The following GNG7 variants were observed in gnomAD, a reference collection of about 807,000 sequenced individuals.
The protein encoded by GNG7 is G protein subunit gamma 7, also known as guanine nucleotide-binding protein G(I)/G(S)/G(O) subunit gamma-7.
GNG7 carries 1 observed loss-of-function variant against 4.0 expected under a neutral mutation model. That is an observed-to-expected ratio of 0.25 (90% CI 0.09 to 1.18). GNG7 has a LOEUF of 1.18. Among genes scored for constraint, GNG7 ranks in the 50% most tolerant of loss-of-function variants. The probability of loss-of-function intolerance (pLI) is 0.50; values close to 1 mark genes in which losing one functional copy is unlikely to be tolerated. For synonymous variants in GNG7, 34 were observed against 36.9 expected, an observed-to-expected ratio of 0.92 and a Z score of 0.29; for missense variants, 86 against 91.9, an observed-to-expected ratio of 0.94 and a Z score of 0.26.
chr19:2,561,258 G>A (rs1312742065), intron 2 of GNG7, among the ~76,000 whole-genome samples: 2 of 152,138 alleles, frequency 1.3e-5, no homozygotes, highest in Non-Finnish European at 2.9e-5. Flanking sequence ...GGCCATGTCT[G>A]GGGACATCTG....
rs1339760440 is a variant in GNG7 at position 2,604,250 on chromosome 19, G to A, written c.-78+41974C>T. Among the ~76,000 whole-genome samples the A allele has an allele frequency of 4.6e-5, 7 of 152,060 alleles. 1 individual carries two copies. Among genetic ancestry groups the A allele is most frequent in the African/African-American group, 1.2e-4 (5 of 41,512 alleles). ...TTTGGGAGGCCGAGGCAGGAGGATC[G>A]CTTGAGGCCAGGAGTTTGAGACCAG... On this transcript the variant is annotated intron_variant, in intron 2 of 4. Coordinates refer to ENST00000382159, the MANE Select transcript of GNG7 (RefSeq NM_052847.3).
chr19:2,613,978 G>A (rs1981648091), intron 2 of GNG7, among the ~76,000 whole-genome samples: 1 of 152,236 alleles, frequency 6.6e-6, no homozygotes, highest in African/African-American at 2.4e-5. Flanking sequence ...CGAAGGCCAC[G>A]GCCACAGCGA....
chr19:2,525,322 A>T (rs1978356900), intron 3 of GNG7, among the ~76,000 whole-genome samples: 1 of 152,170 alleles, frequency 6.6e-6, no homozygotes, highest in Non-Finnish European at 1.5e-5. Context: ...AGGCTCCTGC[A>T]GGCAGGCAAG....
At chr19:2,553,825 CATATT>C (rs1360326062) in intron 3 of GNG7, among the ~76,000 whole-genome samples, 5 of 44,178 alleles carry the variant, frequency 1.1e-4, no homozygotes, top group Non-Finnish European at 2.9e-4. Flanking sequence ...CATACATGTA[CATATT>C]ATATGTAATA....
rs370273375 is a variant in GNG7 at position 2,525,055 on chromosome 19, C to G, written c.-37-4330G>C. ...GCACTGACTCAGGAGCAGCCATGCC[C>G]CCAGCAGAGGACTAAGCCAACAGCA... On this transcript the variant is annotated intron_variant, in intron 3 of 4. Transcript: ENST00000382159. Among the ~76,000 whole-genome samples, 258 of 152,280 alleles carry G rather than the reference C, an allele frequency of 1.7e-3. 1 individual carries two copies. The highest frequency in any genetic ancestry group is 6.0e-3 in the African/African-American group (249 of 41,564).
intron 2 of GNG7, among the ~76,000 whole-genome samples, chr19:2,581,476 G>T (rs1980504881): frequency 6.6e-6 from 1 of 152,150 alleles, no homozygotes; most frequent in Admixed American, 6.5e-5. Flanking sequence ...AGGCTGTGGG[G>T]TGGGATGTGG....
intron 1 of GNG7, among the ~76,000 whole-genome samples, chr19:2,669,055 C>A (rs1056576388): frequency 6.6e-6 from 1 of 152,148 alleles, no homozygotes; most frequent in African/African-American, 2.4e-5. Context: ...GGGAAACACA[C>A]TGAAACGAGG....
intron 2 of GNG7, among the ~76,000 whole-genome samples, chr19:2,564,610 G>A (rs577107297): frequency 3.3e-5 from 5 of 152,086 alleles, no homozygotes; most frequent in Non-Finnish European, 7.4e-5. Context: ...GAGAGATTTA[G>A]AGATGCAGAG....
intron 1 of GNG7, among the ~76,000 whole-genome samples, chr19:2,693,164 T>A (rs1488151899): frequency 1.3e-5 from 2 of 151,490 alleles, no homozygotes; most frequent in Admixed American, 1.3e-4. Context: ...GTGCCTGTAG[T>A]CCCAGCTACT....
intron 1 of GNG7, among the ~76,000 whole-genome samples, chr19:2,656,055 A>AG (rs374993871): frequency 1.4e-4 from 20 of 147,554 alleles, no homozygotes; most frequent in East Asian, 3.9e-4. Flanking sequence ...AAAGAAAGAA[A>AG]AAAAAAAGAA....
chr19:2,545,678 G>T (rs1457181865), intron 3 of GNG7, among the ~76,000 whole-genome samples: 1 of 147,820 alleles, frequency 6.8e-6, no homozygotes, highest in Non-Finnish European at 1.5e-5. Context: ...AAAAGGCCAG[G>T]TGCAGTGGCT....
At chr19:2,629,846 C>T (rs1415844208) in intron 2 of GNG7, among the ~76,000 whole-genome samples, 5 of 152,086 alleles carry the variant, frequency 3.3e-5, no homozygotes, top group African/African-American at 2.4e-5. Flanking sequence ...TGCATGTGTG[C>T]GAAAGGGCAC....
rs1981492419 is a variant in GNG7, at chr19:2,609,372, T to G, written c.-78+36852A>C. ...GTTATTTCATCTTGGTCGCTGAGGT[T>G]TTTTAGCGCCCCCTTCAATTTTGTG... On this transcript the variant is annotated intron_variant, in intron 2 of 4. Transcript: ENST00000382159. This position sits in a 1 kb window ranked among gnomAD's most constrained non-coding sequence, Gnocchi z 4.4. 6.6e-6 allele frequency among the ~76,000 whole-genome samples: 1 copy of G among 152,080 alleles called. No homozygotes were observed. The highest frequency in any genetic ancestry group is 6.6e-5 in the Admixed American group (1 of 15,250).
chr19:2,686,555 G>A (rs1165125024), intron 1 of GNG7, among the ~76,000 whole-genome samples: 6 of 152,062 alleles, frequency 3.9e-5, no homozygotes, highest in Admixed American at 3.3e-4. Flanking sequence ...CTGGGATCCC[G>A]GCCAATCCCC....
intron 2 of GNG7, among the ~76,000 whole-genome samples, chr19:2,635,344 A>G (rs917971215): frequency 6.6e-6 from 1 of 151,744 alleles, no homozygotes; most frequent in Non-Finnish European, 1.5e-5. Flanking sequence ...AATGTGAGAG[A>G]CCCTGCCTTA....
At chr19:2,661,298 GAAAGAGAAAGAAAGAAAGAAAGAA>G (rs1983158027) in intron 1 of GNG7, among the ~76,000 whole-genome samples, 6 of 35,992 alleles carry the variant, frequency 1.7e-4, no homozygotes, top group Middle Eastern at 0.033. Flanking sequence ...AAGAAAGAAA[GAAAGAGAAAGAAAGAAAGAAAGAA>G]AGAAAGAAAG....
intron 2 of GNG7, among the ~76,000 whole-genome samples, chr19:2,636,709 G>A (rs1236331420): frequency 6.6e-6 from 1 of 152,124 alleles, no homozygotes; most frequent in Non-Finnish European, 1.5e-5. Context: ...TGCCCACAGG[G>A]GCCCCTAGGG....
At chr19:2,559,861 C>A (rs1209246098) in intron 2 of GNG7, among the ~76,000 whole-genome samples, 3 of 151,140 alleles carry the variant, frequency 2.0e-5, no homozygotes, top group African/African-American at 7.3e-5. Flanking sequence ...TTGAATAGGG[C>A]AGCTGCTCTC....
At chr19:2,659,248 C>T (rs371398317) in intron 1 of GNG7, among the ~76,000 whole-genome samples, 1 of 149,502 alleles carries the variant, frequency 6.7e-6, no homozygotes, top group East Asian at 2.1e-4. Context: ...GGATGACAGA[C>T]GTGAGCCACT....
Sources: gnomAD v4.1 joint callset for allele counts (sites outside exome capture counted in the v4.1 genomes callset) on GRCh38, gnomAD v4.1.1 for gene constraint, Gnocchi (gnomAD v3.1) non-coding constraint, MANE v1.5 for transcripts, NCBI Gene and HGNC (gene_info 2026-07-23, HGNC 2026-07-21) for gene names.